Variants in GMDS observed in about 807,000 individuals in gnomAD.
GMDS encodes GDP-mannose 4,6 dehydratase.
A neutral mutation model predicts 49.9 loss-of-function variants in GMDS; 20 were observed. The observed-to-expected ratio is 0.40, with a 90% CI of 0.28 to 0.58. GMDS has a LOEUF of 0.58. Ranked by LOEUF, GMDS falls within the 20% of genes least tolerant of loss-of-function variation. The pLI is 0.42. For missense variants in GMDS, 362 were observed against 481.4 expected (o/e 0.75, Z 2.32); for synonymous variants, 177 against 178.6 (o/e 0.99, Z 0.07).
chr6:1,969,456 G>A (rs555161793), intron 4 of GMDS, among the ~76,000 whole-genome samples: 56 of 152,120 alleles, frequency 3.7e-4, no homozygotes, highest in African/African-American at 1.3e-3. Flanking sequence ...CAGAAGAGAA[G>A]TCCATAACAC....
intron 1 of GMDS, among the ~76,000 whole-genome samples, chr6:2,126,393 C>T (rs1333783231): frequency 1.3e-5 from 2 of 151,980 alleles, no homozygotes; most frequent in African/African-American, 4.8e-5. Context: ...TTTAAATATC[C>T]CTTAGAGCTT....
intron 9 of GMDS, among the ~76,000 whole-genome samples, chr6:1,683,996 A>ATTTTTTTTGTAT (rs1561726044): frequency 4.5e-5 from 3 of 66,540 alleles, no homozygotes; most frequent in African/African-American, 4.5e-5. Flanking sequence ...TCTATCAGCT[A>ATTTTTTTTGTAT]TGAGGGTGGG....
At chr6:1,773,272 T>C (rs60522051) in intron 7 of GMDS, among the ~76,000 whole-genome samples, 7,830 of 152,188 alleles carry the variant, frequency 0.051, 208 homozygotes, top group Non-Finnish European at 0.059. Context: ...CTCCAAGGTC[T>C]TTCTCAATAG....
chr6:1,926,007 C>CGAGTTT (rs377443794), intron 7 of GMDS, among the ~76,000 whole-genome samples: 152 of 152,258 alleles, frequency 1.0e-3, no homozygotes, highest in African/African-American at 3.5e-3. Context: ...GGAACTATGC[C>CGAGTTT]GAGTTTGGCT....
intron 9 of GMDS, among the ~76,000 whole-genome samples, chr6:1,676,468 T>C (rs9800597): frequency 0.068 from 10,320 of 152,312 alleles, 394 homozygotes; most frequent in South Asian, 0.12. Context: ...AGAGCCCGCA[T>C]TGCTAAGACA....
chr6:1,738,088 CACAT>C (rs1174714555), intron 8 of GMDS, among the ~76,000 whole-genome samples: 19 of 149,350 alleles, frequency 1.3e-4, no homozygotes, highest in African/African-American at 4.5e-4. Context: ...ACACACCACA[CACAT>C]ACACACCACA....
At chr6:1,982,850 A>T (rs1225225196) in intron 4 of GMDS, among the ~76,000 whole-genome samples, 1 of 152,194 alleles carries the variant, frequency 6.6e-6, no homozygotes, top group African/African-American at 2.4e-5. Flanking sequence ...TACCATTGAC[A>T]TTCTTAATGG....
At chr6:1,975,937 G>A (rs1764875093) in intron 4 of GMDS, among the ~76,000 whole-genome samples, 1 of 152,166 alleles carries the variant, frequency 6.6e-6, no homozygotes, top group Non-Finnish European at 1.5e-5. Flanking sequence ...CCCCTAGGAG[G>A]CTGTGAAGTC....
intron 2 of GMDS, among the ~76,000 whole-genome samples, chr6:2,120,261 G>C (rs1045344269): frequency 3.3e-5 from 5 of 152,094 alleles, no homozygotes; most frequent in African/African-American, 1.2e-4. Context: ...CAGCTAGTAA[G>C]TGGCAACGTT....
chr6:2,144,734 T>C (rs1485853646), intron 1 of GMDS, among the ~76,000 whole-genome samples: 4 of 152,194 alleles, frequency 2.6e-5, no homozygotes, highest in African/African-American at 9.7e-5. Context: ...AACATCATAA[T>C]ATATAGAAAA....
intron 4 of GMDS, among the ~76,000 whole-genome samples, chr6:2,094,351 C>T (rs758635603): frequency 2.0e-5 from 3 of 152,210 alleles, no homozygotes; most frequent in Non-Finnish European, 4.4e-5. Context: ...AAGTCCTCTA[C>T]TAGGTCCAAA....
At chr6:1,805,974 A>G (rs1213247186) in intron 7 of GMDS, among the ~76,000 whole-genome samples, 4 of 152,204 alleles carry the variant, frequency 2.6e-5, no homozygotes, top group African/African-American at 4.8e-5. Flanking sequence ...TAATTGTGGT[A>G]AGTATATAAA....
At chr6:1,790,620 C>T (rs926871499) in intron 7 of GMDS, among the ~76,000 whole-genome samples, 1 of 152,070 alleles carries the variant, frequency 6.6e-6, no homozygotes, top group Non-Finnish European at 1.5e-5. Context: ...TTTTCTATAG[C>T]GGTTATATAT....
intron 1 of GMDS, among the ~76,000 whole-genome samples, chr6:2,207,997 G>A (rs1249681293): frequency 6.6e-6 from 1 of 151,828 alleles, no homozygotes; most frequent in Non-Finnish European, 1.5e-5. Flanking sequence ...AGATGAGGTG[G>A]AAAAGGCAGA....
chr6:1,748,150 G>A (rs1431949240), intron 7 of GMDS, among the ~76,000 whole-genome samples: 2 of 152,100 alleles, frequency 1.3e-5, no homozygotes, highest in Non-Finnish European at 2.9e-5. Flanking sequence ...CCAGGTTGGG[G>A]TTAATGTTTC....
intron 7 of GMDS, among the ~76,000 whole-genome samples, chr6:1,788,787 TA>T (rs1482040087): frequency 1.3e-5 from 2 of 152,208 alleles, no homozygotes; most frequent in African/African-American, 4.8e-5. Context: ...TTAGTTAAAA[TA>T]AAAAAATTAA....
intron 1 of GMDS, among the ~76,000 whole-genome samples, chr6:2,193,013 T>C (rs567863996): frequency 2.6e-5 from 4 of 152,220 alleles, no homozygotes; most frequent in Non-Finnish European, 5.9e-5. Flanking sequence ...TTGGCTCTGA[T>C]AGCCCTCATC....
chr6:2,194,053 C>G (rs1779176506), intron 1 of GMDS, among the ~76,000 whole-genome samples: 1 of 151,886 alleles, frequency 6.6e-6, no homozygotes, highest in African/African-American at 2.4e-5. Flanking sequence ...AAAAAAGAAG[C>G]ATTATAAATA....
At chr6:1,681,751 G>C (rs989290366) in intron 9 of GMDS, among the ~76,000 whole-genome samples, 1 of 152,252 alleles carries the variant, frequency 6.6e-6, no homozygotes, top group Admixed American at 6.5e-5. Context: ...CTGGAGTGCA[G>C]TGGCACGATC....
Sources: allele counts gnomAD v4.1 joint callset (sites outside exome capture counted in the v4.1 genomes callset), GRCh38; gene constraint gnomAD v4.1.1; transcripts MANE v1.5; gene names NCBI Gene and HGNC (gene_info 2026-07-23, HGNC 2026-07-21).